Variants in CSGALNACT1 observed in about 807,000 individuals in gnomAD.
The protein encoded by CSGALNACT1 is beta4GalNAcT-1.
CSGALNACT1 carries 52 observed loss-of-function variants against 51.0 expected under a neutral mutation model. The observed-to-expected ratio is 1.02, with a 90% CI of 0.82 to 1.29. The LOEUF (loss-of-function observed/expected upper bound fraction) is 1.29. Among genes scored for constraint, CSGALNACT1 ranks in the 50% most tolerant of loss-of-function variants. The pLI is 0.00. For synonymous variants in CSGALNACT1, 341 were observed against 254.4 expected, an observed-to-expected ratio of 1.34 and a Z score of -3.24; for missense variants, 935 against 679.2, an observed-to-expected ratio of 1.38 and a Z score of -4.19.
intron 1 of CSGALNACT1, among the ~76,000 whole-genome samples, chr8:19,709,659 G>A (rs1249133156): frequency 1.3e-5 from 2 of 152,220 alleles, no homozygotes; most frequent in East Asian, 3.9e-4. Context: ...TCCAAGTGGT[G>A]CTTCTCAACT....
chr8:19,498,734 G>A (rs989963070), intron 4 of CSGALNACT1, among the ~76,000 whole-genome samples: 3 of 152,058 alleles, frequency 2.0e-5, no homozygotes, highest in African/African-American at 7.2e-5. Context: ...CTTCATCTTT[G>A]ACCTCCCATA....
At chr8:19,669,105 G>C (rs894210969) in intron 1 of CSGALNACT1, among the ~76,000 whole-genome samples, 1 of 152,156 alleles carries the variant, frequency 6.6e-6, no homozygotes, top group Non-Finnish European at 1.5e-5. Flanking sequence ...TAGACATGTG[G>C]ATTTCATTCA....
At chr8:19,461,840 C>CCGCCCAGCGGCCACATTCCCCA (rs1384515252) in intron 4 of CSGALNACT1, among the ~76,000 whole-genome samples, 1 of 148,746 alleles carries the variant, frequency 6.7e-6, no homozygotes, top group Non-Finnish European at 1.5e-5. Context: ...GAGGGTGTAT[C>CCGCCCAGCGGCCACATTCCCCA]TGCACAGCAG....
intron 1 of CSGALNACT1, among the ~76,000 whole-genome samples, chr8:19,664,907 G>C (rs1166700390): frequency 6.6e-6 from 1 of 152,200 alleles, no homozygotes; most frequent in Non-Finnish European, 1.5e-5. Context: ...GGGGGTGAGA[G>C]ACAACAAATT....
chr8:19,658,051 C>T (rs2058436535), intron 1 of CSGALNACT1, among the ~76,000 whole-genome samples: 1 of 122,526 alleles, frequency 8.2e-6, no homozygotes, highest in South Asian at 3.0e-4. Flanking sequence ...TGTGCCCTCT[C>T]ACCCTCCTTC....
intron 3 of CSGALNACT1, among the ~76,000 whole-genome samples, chr8:19,572,729 T>C (rs1357393171): frequency 1.3e-5 from 2 of 152,240 alleles, no homozygotes; most frequent in Admixed American, 6.5e-5. Context: ...CAAACGCTAA[T>C]GGCATTTCAC....
At chr8:19,635,264 G>A (rs550141052) in intron 1 of CSGALNACT1, among the ~76,000 whole-genome samples, 12 of 152,334 alleles carry the variant, frequency 7.9e-5, no homozygotes, top group East Asian at 1.9e-4. Flanking sequence ...ACTCCTTGGC[G>A]AGTAGGCCCG....
intron 7 of CSGALNACT1, among the ~76,000 whole-genome samples, chr8:19,419,219 C>G (rs944483890): frequency 1.3e-5 from 2 of 152,194 alleles, no homozygotes; most frequent in Non-Finnish European, 2.9e-5. Flanking sequence ...GTGGACCAGA[C>G]AGTCATATCT....
intron 1 of CSGALNACT1, among the ~76,000 whole-genome samples, chr8:19,649,084 T>C (rs1251715563): frequency 1.3e-5 from 2 of 152,336 alleles, no homozygotes; most frequent in Non-Finnish European, 1.5e-5. Flanking sequence ...TACTGTATTC[T>C]GTGTGCCAAT....
intron 1 of CSGALNACT1, among the ~76,000 whole-genome samples, chr8:19,713,609 T>C (rs2062635670): frequency 6.6e-6 from 1 of 151,980 alleles, no homozygotes; most frequent in Admixed American, 6.6e-5. Context: ...ACACAGAATG[T>C]CATGTGATGA....
At chr8:19,519,635 T>C (rs1436166353) in intron 3 of CSGALNACT1, among the ~76,000 whole-genome samples, 1 of 151,878 alleles carries the variant, frequency 6.6e-6, no homozygotes, top group African/African-American at 2.4e-5. Context: ...AAGGCGAGAG[T>C]TGGAGGATAC....
chr8:19,706,392 G>A (rs933731678), intron 1 of CSGALNACT1, among the ~76,000 whole-genome samples: 5 of 152,158 alleles, frequency 3.3e-5, no homozygotes, highest in African/African-American at 1.2e-4. Flanking sequence ...AAACTGCGGC[G>A]GAGGCTGGGG....
intron 3 of CSGALNACT1, among the ~76,000 whole-genome samples, chr8:19,516,997 G>A (rs1032092587): frequency 5.9e-5 from 9 of 152,240 alleles, no homozygotes; most frequent in Admixed American, 5.2e-4. Context: ...CTGGAGAGGT[G>A]GTTGGTTTTT....
At chr8:19,407,733 G>GTA (rs1563249915) in intron 9 of CSGALNACT1, among the ~76,000 whole-genome samples, 4 of 135,814 alleles carry the variant, frequency 2.9e-5, no homozygotes, top group Middle Eastern at 4.1e-3. Context: ...GCATATTTGT[G>GTA]TATGAATTGT....
intron 3 of CSGALNACT1, among the ~76,000 whole-genome samples, chr8:19,586,943 G>C (rs931120935): frequency 6.6e-5 from 10 of 152,140 alleles, no homozygotes; most frequent in Non-Finnish European, 1.5e-5. Context: ...CACAACTCTA[G>C]TAATCTCCAG....
rs117547849 is a variant in CSGALNACT1 at position 19,737,436 on chromosome 8, T to C, written c.-297+20414A>G. ...AATACTAAACAGGTGGGGATCACAGTTTTCTAATACTTTCTTTTAGGAAAA... is the reference window on the plus strand; with the variant it reads ...AATACTAAACAGGTGGGGATCACAGCTTTCTAATACTTTCTTTTAGGAAAA... On this transcript the variant is annotated intron_variant, in intron 1 of 1. Transcript: ENST00000517494. Among the ~76,000 whole-genome samples the C allele has an allele frequency of 6.6e-5, 10 of 152,206 alleles. No individual in the cohort carries two copies. In the East Asian group the frequency reaches 1.9e-3, roughly 29 times the overall value.
At chr8:19,487,218 A>G (rs2073166489) in intron 4 of CSGALNACT1, among the ~76,000 whole-genome samples, 3 of 152,372 alleles carry the variant, frequency 2.0e-5, no homozygotes, top group Admixed American at 2.0e-4. Flanking sequence ...TGTCATGTTA[A>G]TATCCTAGAA....
Position 19,642,845 on chromosome 8 carries a change from A to C in CSGALNACT1, c.-544+39628T>G, listed in dbSNP as rs1393651752. The stretch of plus-strand genomic sequence containing the variant: ...ACAAAGGCTTATTCAACAACAACAA[A>C]AAAATTGCTGGGTCAGTCAAAAGAT... On this transcript the variant is annotated intron_variant, in intron 1 of 9. Transcript: ENST00000332246. 3.9e-5 allele frequency among the ~76,000 whole-genome samples: 6 copies of C among 152,232 alleles called. No homozygotes were observed. In the East Asian group the frequency reaches 5.8e-4, roughly 15 times the overall value.
chr8:19,542,931 A>G (rs2085568551), intron 3 of CSGALNACT1, among the ~76,000 whole-genome samples: 1 of 152,182 alleles, frequency 6.6e-6, no homozygotes. Flanking sequence ...TTCCTACTTC[A>G]ATAATGAAAT....
Sources: allele counts gnomAD v4.1 joint callset (sites outside exome capture counted in the v4.1 genomes callset), GRCh38; gene constraint gnomAD v4.1.1; transcripts MANE v1.5; gene names NCBI Gene and HGNC (gene_info 2026-07-23, HGNC 2026-07-21).